Variants in PTPN13 observed in about 807,000 individuals in gnomAD.
PTPN13 encodes the protein protein tyrosine phosphatase non-receptor type 13.
In PTPN13, 191 loss-of-function variants were observed where a neutral mutation model predicts 284.0. That is an observed-to-expected ratio of 0.67 (90% CI 0.60 to 0.76). The LOEUF (loss-of-function observed/expected upper bound fraction) is 0.76, where lower values mean the gene tolerates loss of function less well. PTPN13 is among the 30% of genes least tolerant of loss of function. PTPN13 has a pLI of 0.00. For synonymous variants in PTPN13, 986 were observed against 1,022.3 expected, an observed-to-expected ratio of 0.96 and a Z score of 0.68; for missense variants, 2,797 against 2,939.9, an observed-to-expected ratio of 0.95 and a Z score of 1.12.
chr4:86,661,146 T>C, intron 2 of PTPN13: 1 of 448,274 alleles, frequency 2.2e-6, no homozygotes, highest in Non-Finnish European at 4.5e-6. Flanking sequence ...TCCCTCCTAG[T>C]CAATTCTTGT....
At chr4:86,806,403 AT>A (rs992466457) in intron 44 of PTPN13, among the ~76,000 whole-genome samples, 3 of 152,172 alleles carry the variant, frequency 2.0e-5, no homozygotes, top group Admixed American at 6.5e-5. Context: ...AATAAAAAAA[AT>A]CAATAGTGAC....
intron 14 of PTPN13, among the ~76,000 whole-genome samples, chr4:86,735,190 C>T (rs1180098740): frequency 6.6e-6 from 1 of 152,150 alleles, no homozygotes; most frequent in Non-Finnish European, 1.5e-5. Flanking sequence ...AAAGGATCTC[C>T]TGCCTTCCAC....
intron 5 of PTPN13, among the ~76,000 whole-genome samples, chr4:86,691,799 A>T (rs1483186268): frequency 6.6e-6 from 1 of 152,172 alleles, no homozygotes; most frequent in Non-Finnish European, 1.5e-5. Context: ...TGTTGCCTCC[A>T]GTAGCTGACA....
intron 2 of PTPN13, among the ~76,000 whole-genome samples, chr4:86,638,831 G>A (rs1723376803): frequency 6.6e-6 from 1 of 152,036 alleles, no homozygotes; most frequent in South Asian, 2.1e-4. Flanking sequence ...TTGACAAATG[G>A]GATCTAATTA....
chr4:86,613,925 CTG>C lies in PTPN13; in HGVS notation c.-6+19138_-6+19139del, dbSNP rs374409249. Reference sequence around the variant, plus strand: ...GTTAAATACCTAGAATTTCTGATCTCTGTATTGGAAGACAGATTGTGCAACAG... The same window carrying C: ...GTTAAATACCTAGAATTTCTGATCTCTATTGGAAGACAGATTGTGCAACAG... On this transcript the variant is annotated intron_variant, in intron 1 of 47. Coordinates refer to ENST00000411767, the MANE Select transcript of PTPN13 (RefSeq NM_080683.3). Among the ~76,000 whole-genome samples the C allele has an allele frequency of 1.3e-3, 198 of 152,110 alleles. 1 individual carries two copies. Among genetic ancestry groups the C allele is most frequent in the African/African-American group, 4.6e-3 (191 of 41,480 alleles).
At position 86,701,756 on chromosome 4, in the gene PTPN13, A is replaced by G. The variant is rs201481741; in HGVS notation, c.1150A>G (p.Arg384Gly). ...AAGTGCTTTGGACCGAATCCGAGAG[A>G]GACAAAAGAAACTTCAGGTTCTGAG... The part of the protein sequence containing the change: ...ISSALDRIRE[R>G]QKKLQVLREA... The change falls in exon 7 of 48, where the codon AGA becomes GGA. Residue 384 changes from arginine to glycine, a missense_variant. Coordinates refer to ENST00000411767, the MANE Select transcript of PTPN13 (RefSeq NM_080683.3). 2 of 1,613,426 alleles carry G rather than the reference A, an allele frequency of 1.2e-6. No individual in the cohort carries two copies. The highest frequency in any genetic ancestry group is 1.7e-6 in the Non-Finnish European group (2 of 1,179,714).
chr4:86,752,312 C>T (rs919063881), intron 19 of PTPN13, among the ~76,000 whole-genome samples: 1 of 152,034 alleles, frequency 6.6e-6, no homozygotes, highest in African/African-American at 2.4e-5. Context: ...TAAATGAAGA[C>T]AAAAGACAAT....
intron 7 of PTPN13, among the ~76,000 whole-genome samples, chr4:86,708,242 T>C (rs1017162616): frequency 5.3e-5 from 8 of 152,170 alleles, no homozygotes; most frequent in Non-Finnish European, 7.4e-5. Context: ...TATTCCCATA[T>C]GATATTAGGT....
In PTPN13 at chr4:86,799,814, G is replaced by A. The variant is rs1743790089; in HGVS notation, c.6505+610G>A. 4.9e-5 allele frequency among the ~76,000 whole-genome samples: 7 copies of A among 142,324 alleles called. No individual in the cohort carries two copies. In the South Asian group the frequency reaches 1.6e-3, roughly 33 times the overall value. The allele number at this position is 142,324 out of a possible 152,430, so 93.4% of individuals were successfully genotyped here. On this transcript the variant is annotated intron_variant, in intron 42 of 47. Coordinates refer to ENST00000411767, the MANE Select transcript of PTPN13 (RefSeq NM_080683.3). ...TAATTTTGCCATTCTGGAAGGAGAA[G>A]TCAAGGGGCACTTTTTTTTTTTTTT...
intron 42 of PTPN13, 113 bp from the exon 43 acceptor site, chr4:86,803,592 CTAAA>C (rs765709765): frequency 9.0e-7 from 1 of 1,109,494 alleles, no homozygotes; most frequent in Non-Finnish European, 1.3e-6. Flanking sequence ...GATTCTATCT[CTAAA>C]TAAATAAATA....
At chr4:86,780,116 G>A (rs1488061369) in intron 35 of PTPN13, among the ~76,000 whole-genome samples, 1 of 151,982 alleles carries the variant, frequency 6.6e-6, no homozygotes, top group Non-Finnish European at 1.5e-5. Flanking sequence ...AATATCTCCC[G>A]GGCCAGTCAC....
At chr4:86,670,555 C>A (rs1727617702) in intron 2 of PTPN13, among the ~76,000 whole-genome samples, 1 of 152,108 alleles carries the variant, frequency 6.6e-6, no homozygotes, top group Non-Finnish European at 1.5e-5. Flanking sequence ...CAGTTACCAG[C>A]AGGTTCTCAC....
chr4:86,615,429 T>C (rs535450561), intron 1 of PTPN13, among the ~76,000 whole-genome samples: 2 of 152,280 alleles, frequency 1.3e-5, no homozygotes, highest in Middle Eastern at 6.8e-3. Context: ...GTGTTAATTC[T>C]GTTTTGATCC....
chr4:86,663,992 A>G (rs1029988887), intron 2 of PTPN13, among the ~76,000 whole-genome samples: 2 of 152,172 alleles, frequency 1.3e-5, no homozygotes, highest in African/African-American at 4.8e-5. Flanking sequence ...GAAGCAACTT[A>G]ATTAGTGATA....
In PTPN13 at chr4:86,644,926, C is replaced by T. The variant is rs552336604; in HGVS notation, c.115+9555C>T. On this transcript the variant is annotated intron_variant, in intron 2 of 47. Coordinates refer to ENST00000411767, the MANE Select transcript of PTPN13 (RefSeq NM_080683.3). Reference sequence around the variant, plus strand: ...CAATCTTAAAAAGCTCTCAACTCAACGCCGGGCTTGGCAGCTCACACCTGT... The same window carrying T: ...CAATCTTAAAAAGCTCTCAACTCAATGCCGGGCTTGGCAGCTCACACCTGT... 1.6e-4 allele frequency among the ~76,000 whole-genome samples: 25 copies of T among 152,154 alleles called. No homozygotes were observed. The East Asian group carries it at 3.3e-3, about 20-fold the overall frequency.
At chr4:86,685,931 GAAA>G (rs953154241) in intron 3 of PTPN13, among the ~76,000 whole-genome samples, 2 of 152,012 alleles carry the variant, frequency 1.3e-5, no homozygotes, top group Non-Finnish European at 2.9e-5. Flanking sequence ...GCAAAGGTTT[GAAA>G]AAAATTTTAA....
Position 86,785,291 on chromosome 4 carries a change from C to G in PTPN13, c.6179C>G (p.Ser2060Cys). Residue 2060 changes from serine to cysteine, a missense_variant, in exon 39 of 48, where the codon TCT becomes TGT. Transcript: ENST00000411767. ...DDSQEAEVIQ[S>C]LLDVVDEEAQ... ...TCCCAAGAAGCTGAAGTTATCCAGT[C>G]TCTGCTGGATGTTGTGGATGAGGAA... is the stretch of plus-strand genomic sequence containing the variant. The G allele has an allele frequency of 6.2e-7, 1 of 1,601,474 alleles. No homozygotes were observed. Among genetic ancestry groups the G allele is most frequent in the South Asian group, 1.1e-5 (1 of 90,284 alleles).
At chr4:86,736,294 A>G (rs2149144065) in intron 15 of PTPN13, among the ~76,000 whole-genome samples, 1 of 152,346 alleles carries the variant, frequency 6.6e-6, no homozygotes, top group African/African-American at 2.4e-5. Context: ...ATGACCTTAG[A>G]TAAATAGTAC....
At chr4:86,666,710 C>T (rs777035264) in intron 2 of PTPN13, among the ~76,000 whole-genome samples, 10 of 152,090 alleles carry the variant, frequency 6.6e-5, no homozygotes, top group Admixed American at 6.6e-4. Context: ...CTTGAGGAGG[C>T]GATATCTGAT....
Sources: allele counts gnomAD v4.1 joint callset (sites outside exome capture counted in the v4.1 genomes callset), GRCh38; gene constraint gnomAD v4.1.1; transcripts MANE v1.5; gene names NCBI Gene and HGNC (gene_info 2026-07-23, HGNC 2026-07-21).